The following RBPMS variants were observed in gnomAD, a reference collection of about 807,000 sequenced individuals.
The protein encoded by RBPMS is RNA-binding protein with multiple splicing.
Under a neutral mutation model 26.8 loss-of-function variants are expected in RBPMS, and 7 were observed. The observed-to-expected ratio is 0.26, with a 90% CI of 0.15 to 0.49. RBPMS has a LOEUF of 0.49. RBPMS is among the 20% of genes least tolerant of loss of function. RBPMS has a pLI of 0.98. For synonymous variants in RBPMS, 96 were observed against 93.3 expected, an observed-to-expected ratio of 1.03 and a Z score of -0.17; for missense variants, 186 against 250.0, an observed-to-expected ratio of 0.74 and a Z score of 1.73.
chr8:30,436,101 C>T (rs1159720040), intron 1 of RBPMS, among the ~76,000 whole-genome samples: 1 of 152,196 alleles, frequency 6.6e-6, no homozygotes, highest in Non-Finnish European at 1.5e-5. Flanking sequence ...TCAGTTATTT[C>T]CAATAATTAG....
At chr8:30,503,880 G>A (rs753039710) in intron 4 of RBPMS, among the ~76,000 whole-genome samples, 2 of 152,098 alleles carry the variant, frequency 1.3e-5, no homozygotes, top group African/African-American at 2.4e-5. Flanking sequence ...CTTGTCTTGC[G>A]CTAGTGTCTT....
chr8:30,536,711 A>C (rs1031879331), intron 5 of RBPMS, among the ~76,000 whole-genome samples: 1 of 152,178 alleles, frequency 6.6e-6, no homozygotes, highest in African/African-American at 2.4e-5. Flanking sequence ...TTCCTGAAAC[A>C]CTTTTTTTAT....
At chr8:30,474,905 A>G (rs1242841009) in intron 2 of RBPMS, 49 bp downstream of exon 2, 6 of 1,241,550 alleles carry the variant, frequency 4.8e-6, no homozygotes, top group Non-Finnish European at 7.0e-6. Flanking sequence ...AAAAGTCTGT[A>G]TGCTTTCTGG....
chr8:30,473,747 T>C (rs924284160), intron 1 of RBPMS, among the ~76,000 whole-genome samples: 10 of 152,152 alleles, frequency 6.6e-5, no homozygotes, highest in Admixed American at 3.9e-4. Context: ...ATATACACCA[T>C]GGAATACTAT....
chr8:30,453,122 A>G (rs1814787538), intron 1 of RBPMS, among the ~76,000 whole-genome samples: 2 of 152,170 alleles, frequency 1.3e-5, no homozygotes, highest in Non-Finnish European at 1.5e-5. Context: ...TAACGAGGCA[A>G]ATTCCAGGGG....
intron 1 of RBPMS, among the ~76,000 whole-genome samples, chr8:30,418,312 GC>G (rs1192912370): frequency 6.6e-6 from 1 of 152,064 alleles, no homozygotes; most frequent in Non-Finnish European, 1.5e-5. Flanking sequence ...AAACTCCTGG[GC>G]TCAAGGGGTC....
chr8:30,545,008 A>G (rs1199511214), intron 6 of RBPMS: 33 of 1,442,616 alleles, frequency 2.3e-5, no homozygotes, highest in South Asian at 2.9e-5. Context: ...AGAAGGGGAT[A>G]TGTGCGTCTG....
chr8:30,421,351 T>G (rs2150623248), intron 1 of RBPMS, among the ~76,000 whole-genome samples: 1 of 152,342 alleles, frequency 6.6e-6, no homozygotes, highest in Non-Finnish European at 1.5e-5. Flanking sequence ...ACTTTAGTTC[T>G]GGACAGGCAA....
chr8:30,408,524 C>G (rs1195442213), intron 1 of RBPMS, among the ~76,000 whole-genome samples: 1 of 152,086 alleles, frequency 6.6e-6, no homozygotes, highest in African/African-American at 2.4e-5. Context: ...ACGAGACTGT[C>G]TCAAAAACAA....
intron 5 of RBPMS, among the ~76,000 whole-genome samples, chr8:30,511,484 A>ATATATATAT (rs1821645539): frequency 8.1e-4 from 5 of 6,138 alleles, no homozygotes; most frequent in African/African-American, 1.7e-3. Context: ...AAAAAAAAAA[A>ATATATATAT]AAATATATAT....
chr8:30,421,978 G>A (rs911098850), intron 1 of RBPMS, among the ~76,000 whole-genome samples: 3 of 151,736 alleles, frequency 2.0e-5, no homozygotes, highest in Non-Finnish European at 4.4e-5. Flanking sequence ...GAAAAAAAAA[G>A]CTGGTTGCTA....
At chr8:30,467,069 G>A (rs941737212) in intron 1 of RBPMS, among the ~76,000 whole-genome samples, 2 of 152,180 alleles carry the variant, frequency 1.3e-5, no homozygotes, top group African/African-American at 4.8e-5. Flanking sequence ...TGAAGTCAGT[G>A]CCAACTAGAA....
At chr8:30,547,123 T>C (rs1825933092) in intron 6 of RBPMS, among the ~76,000 whole-genome samples, 1 of 152,250 alleles carries the variant, frequency 6.6e-6, no homozygotes, top group Admixed American at 6.5e-5. Flanking sequence ...GAATCTTTAG[T>C]AACTGGAGGC....
At chr8:30,521,144 C>A (rs1242282315) in intron 5 of RBPMS, among the ~76,000 whole-genome samples, 1 of 152,156 alleles carries the variant, frequency 6.6e-6, no homozygotes, top group Admixed American at 6.5e-5. Flanking sequence ...AAAATGTTAG[C>A]TTTATAGTAG....
intron 1 of RBPMS, among the ~76,000 whole-genome samples, chr8:30,410,460 G>A (rs1049395433): frequency 3.3e-5 from 5 of 151,936 alleles, no homozygotes; most frequent in East Asian, 1.9e-4. Context: ...TGCCCCCCTC[G>A]GCCTCCCAAA....
intron 4 of RBPMS, among the ~76,000 whole-genome samples, chr8:30,503,038 C>CACG (rs1820721285): frequency 8.5e-4 from 1 of 1,180 alleles, no homozygotes; most frequent in Non-Finnish European, 4.5e-3. Flanking sequence ...GAGTCATGCT[C>CACG]ATGAAGTTCC....
At chr8:30,483,587 A>AT (rs1049365626) in intron 4 of RBPMS, among the ~76,000 whole-genome samples, 28 of 151,966 alleles carry the variant, frequency 1.8e-4, no homozygotes, top group Non-Finnish European at 2.7e-4. Context: ...ATATTACATT[A>AT]TTTTTTTTAA....
At chr8:30,419,450 A>AT (rs1554509328) in intron 1 of RBPMS, among the ~76,000 whole-genome samples, 10 of 143,176 alleles carry the variant, frequency 7.0e-5, no homozygotes, top group Non-Finnish European at 1.2e-4. Flanking sequence ...CATCTCAAAA[A>AT]TGTGTGTGTG....
intron 1 of RBPMS, among the ~76,000 whole-genome samples, chr8:30,419,877 G>A (rs1161459189): frequency 6.6e-6 from 1 of 152,092 alleles, no homozygotes; most frequent in African/African-American, 2.4e-5. Flanking sequence ...TGACAGCAAT[G>A]AAAAACAAAT....
Sources: gnomAD v4.1 joint callset for allele counts (sites outside exome capture counted in the v4.1 genomes callset) on GRCh38, gnomAD v4.1.1 for gene constraint, MANE v1.5 for transcripts, NCBI Gene and HGNC (gene_info 2026-07-23, HGNC 2026-07-21) for gene names.